The following TOPAZ1 variants were observed in gnomAD, a reference collection of about 807,000 sequenced individuals.
TOPAZ1 encodes testis and ovary specific TOPAZ 1, also known as protein TOPAZ1.
In TOPAZ1, 66 loss-of-function variants were observed where a neutral mutation model predicts 172.2. The ratio of observed to expected loss-of-function variants is 0.38; its 90% CI spans 0.31 to 0.47. The LOEUF is 0.47. Ranked by LOEUF, TOPAZ1 falls within the 20% of genes least tolerant of loss-of-function variation. The pLI, the probability that TOPAZ1 is intolerant of heterozygous loss-of-function variation, is 0.99. For missense variants in TOPAZ1, 1,822 were observed against 1,972.4 expected, an observed-to-expected ratio of 0.92 and a Z score of 1.44; for synonymous variants, 681 against 683.9, an observed-to-expected ratio of 1.00 and a Z score of 0.07.
intron 12 of TOPAZ1, among the ~76,000 whole-genome samples, chr3:44,301,785 G>A (rs944113281): frequency 6.6e-6 from 1 of 151,890 alleles, no homozygotes; most frequent in Non-Finnish European, 1.5e-5. Context: ...AGTATATATT[G>A]CAATTTTTCT....
At chr3:44,289,985 C>G (rs1181990936) in intron 11 of TOPAZ1, among the ~76,000 whole-genome samples, 1 of 152,182 alleles carries the variant, frequency 6.6e-6, no homozygotes. Flanking sequence ...TCTTAACTCT[C>G]TAAATCCTTG....
chr3:44,323,248 C>T lies in TOPAZ1; in HGVS notation c.4628C>T (p.Ser1543Phe). 6.5e-7 allele frequency: 1 copy of T among 1,550,234 alleles called. No homozygotes were observed. Among genetic ancestry groups the T allele is most frequent in the Non-Finnish European group, 8.7e-7 (1 of 1,146,244 alleles). ...DFSFLRRLITSLGRSRLWLKA... is the reference protein window; with the variant it reads ...DFSFLRRLITFLGRSRLWLKA... The stretch of plus-strand genomic sequence containing the variant: ...TCCTTTCTCAGAAGATTAATTACTT[C>T]TTTAGGAAGGAGTCGTTTATGGCTC... Residue 1543 changes from serine to phenylalanine, a missense_variant, in exon 18 of 20, where the codon TCT (serine) becomes TTT (phenylalanine). By Grantham distance (155) the Ser-to-Phe change is radical. This residue lies in a region of TOPAZ1 where 333 missense variants were observed against 481.7 expected (regional missense o/e 0.69). Transcript: ENST00000309765.
rs1225685547 is a variant in TOPAZ1, at chr3:44,242,335, G to A, written c.282G>A (p.Ser94=). The change falls in exon 1 of 20, where the codon TCG becomes TCA. Residue 94 remains serine (S), a synonymous_variant. Transcript: ENST00000309765. ...GRRGPVSPSD[S]SDPRGLEAAK... is the part of the protein sequence containing the mutation. Reference sequence around the variant, plus strand: ...GGGGCCCGGTGAGCCCGTCAGACTCGTCAGACCCGCGAGGCCTAGAAGCAG... The same window carrying A: ...GGGGCCCGGTGAGCCCGTCAGACTCATCAGACCCGCGAGGCCTAGAAGCAG... The A allele has an allele frequency of 2.6e-6, 4 of 1,552,236 alleles. No individual in the cohort carries two copies. The highest frequency in any genetic ancestry group is 4.9e-5 in the East Asian group (2 of 40,922).
Position 44,270,667 on chromosome 3 carries a change from ATCTT to A in TOPAZ1, c.3247-14_3247-11del. On this transcript the variant is annotated splice_polypyrimidine_tract_variant and intron_variant, in intron 7 of 19. Transcript: ENST00000309765. ...GCTTTACAGTTAATACAGAAAGTGA[ATCTT>A]TCTAATTTTCTAGGTGTTCCAGAAG... 2 of 1,527,938 alleles carry A rather than the reference ATCTT, an allele frequency of 1.3e-6. No homozygotes were observed. Among genetic ancestry groups the A allele is most frequent in the Non-Finnish European group, 8.8e-7 (1 of 1,136,336 alleles). 94.6% of individuals were successfully genotyped at this position (1,527,938 alleles called of 1,614,324 possible).
rs542192476 is a variant in TOPAZ1, at chr3:44,306,718, T to A, written c.4140+292T>A. 2.6e-5 allele frequency among the ~76,000 whole-genome samples: 4 copies of A among 152,242 alleles called. No homozygotes were observed. In the East Asian group the frequency reaches 7.7e-4, roughly 29 times the overall value. On this transcript the variant is annotated intron_variant, in intron 15 of 19. Transcript: ENST00000309765. ...AGATTCCCATCTTTAAAAAATAATT[T>A]TTATTATAAAAATAAATAAAATCTC...
chr3:44,310,506 A>G (rs891985918), intron 16 of TOPAZ1, among the ~76,000 whole-genome samples: 7 of 152,154 alleles, frequency 4.6e-5, no homozygotes, highest in African/African-American at 1.4e-4. Context: ...CTCAGAAAAA[A>G]AAAAGCAAAA....
At chr3:44,256,690 T>G (rs1699707500) in intron 4 of TOPAZ1, among the ~76,000 whole-genome samples, 1 of 152,160 alleles carries the variant, frequency 6.6e-6, no homozygotes, top group Non-Finnish European at 1.5e-5. Context: ...TTGTTTTGTT[T>G]GAGGGAAGGG....
At chr3:44,280,558 G>A (rs961141228) in intron 8 of TOPAZ1, among the ~76,000 whole-genome samples, 6 of 152,072 alleles carry the variant, frequency 3.9e-5, no homozygotes, top group Non-Finnish European at 7.4e-5. Flanking sequence ...ATGTTGCCCA[G>A]GCTGGTCTCG....
chr3:44,281,299 A>G (rs1017967197), intron 8 of TOPAZ1, among the ~76,000 whole-genome samples: 1 of 152,244 alleles, frequency 6.6e-6, no homozygotes, highest in Admixed American at 6.5e-5. Context: ...TGGCTGGTCC[A>G]AGGCCAGGTC....
chr3:44,278,122 A>G (rs1699984070), intron 8 of TOPAZ1, among the ~76,000 whole-genome samples: 1 of 152,136 alleles, frequency 6.6e-6, no homozygotes, highest in Non-Finnish European at 1.5e-5. Context: ...CTTTGTCTGC[A>G]TTTATTGAGA....
chr3:44,281,982 G>A lies in TOPAZ1; in HGVS notation c.3387G>A (p.Val1129=). Residue 1129 remains valine (V), a synonymous_variant, in exon 9 of 20, where the codon GTG becomes GTA. Transcript: ENST00000309765. ...GACTTTTGCAGGTTTGCATGGATGTGTTTAAGAAATATATAAATATCAATG... is the reference window on the plus strand; with the variant it reads ...GACTTTTGCAGGTTTGCATGGATGTATTTAAGAAATATATAAATATCAATG... ...EQGDEKVCMD[V]FKKYININEL... 1 of 1,547,016 alleles carries A rather than the reference G, an allele frequency of 6.5e-7. No individual in the cohort carries two copies. Among genetic ancestry groups the A allele is most frequent in the African/African-American group, 1.4e-5 (1 of 73,008 alleles).
At chr3:44,299,172 C>T (rs542251885) in intron 12 of TOPAZ1, among the ~76,000 whole-genome samples, 4 of 151,538 alleles carry the variant, frequency 2.6e-5, no homozygotes, top group East Asian at 2.0e-4. Context: ...TCACCCACCT[C>T]GGCCTCCCAA....
At chr3:44,281,900 T>A in intron 8 of TOPAZ1, 68 bp from the exon 9 acceptor site, 1 of 963,172 alleles carries the variant, frequency 1.0e-6, no homozygotes, top group South Asian at 1.7e-5. Flanking sequence ...AAAGATAGGA[T>A]TGAAATGTGT....
intron 16 of TOPAZ1, 106 bp from the exon 17 acceptor site, chr3:44,320,921 A>C: frequency 1.4e-6 from 1 of 697,906 alleles, no homozygotes; most frequent in Non-Finnish European, 2.3e-6. Context: ...CATATGTTTA[A>C]GTTTTGCCTG....
Position 44,267,125 on chromosome 3 carries a change from C to T in TOPAZ1, c.3149C>T (p.Thr1050Ile). 6.5e-7 allele frequency: 1 copy of T among 1,531,774 alleles called. No homozygotes were observed. Among genetic ancestry groups the T allele is most frequent in the Non-Finnish European group, 8.8e-7 (1 of 1,139,578 alleles). 94.9% of individuals were successfully genotyped at this position (1,531,774 alleles called of 1,614,324 possible). A position where few individuals can be genotyped will look rare whatever the true frequency, so the allele number is the denominator to read the frequency against. The change falls in exon 6 of 20, where the codon ACC (threonine) becomes ATC (isoleucine). Residue 1050 changes from threonine to isoleucine, a missense_variant. By Grantham distance (89) the Thr-to-Ile change is moderately conservative (BLOSUM62 -1). This residue lies in a region of TOPAZ1 where 1,489 missense variants were observed against 1,490.8 expected (regional missense o/e 1.00). Transcript: ENST00000309765. ...SGRQEDTILN[T>I]WMNDFRFLGK... ...CGTCAAGAAGACACAATACTGAATA[C>T]CTGGATGAATGGTACTATTTGTTTT...
downstream of TOPAZ1, among the ~76,000 whole-genome samples, chr3:44,332,296 T>G (rs1231071584): frequency 1.3e-5 from 2 of 152,134 alleles, no homozygotes; most frequent in African/African-American, 2.4e-5. Flanking sequence ...CAGCATTTAG[T>G]AAGAGGGAGA....
intron 9 of TOPAZ1, among the ~76,000 whole-genome samples, chr3:44,283,743 G>A (rs1700048096): frequency 6.6e-6 from 1 of 152,090 alleles, no homozygotes; most frequent in Non-Finnish European, 1.5e-5. Context: ...ACACACGTGT[G>A]CACATATGTG....
Position 44,267,116 on chromosome 3 carries a change from TACTG to T in TOPAZ1, c.3142_3145del (p.Leu1048IlefsTer4). The T allele has an allele frequency of 6.5e-7, 1 of 1,539,382 alleles. No individual in the cohort carries two copies. Among genetic ancestry groups the T allele is most frequent in the Non-Finnish European group, 8.8e-7 (1 of 1,142,458 alleles). ...CTAAGTGGTCGTCAAGAAGACACAA[TACTG>T]AATACCTGGATGAATGGTACTATTT... is the stretch of plus-strand genomic sequence containing the variant. On this transcript the variant is annotated frameshift_variant, in exon 6 of 20. Transcript: ENST00000309765. LOFTEE classifies it high-confidence loss of function.
intron 18 of TOPAZ1, among the ~76,000 whole-genome samples, chr3:44,325,236 A>G (rs1700586143): frequency 6.6e-6 from 1 of 152,202 alleles, no homozygotes; most frequent in East Asian, 1.9e-4. Flanking sequence ...GTCTAGTAGT[A>G]CTTTATTTGG....
Sources: gnomAD v4.1 joint callset for allele counts (sites outside exome capture counted in the v4.1 genomes callset) on GRCh38, gnomAD v4.1.1 for gene constraint, gnomAD v4.1.1 regional missense constraint, MANE v1.5 for transcripts, NCBI Gene and HGNC (gene_info 2026-07-23, HGNC 2026-07-21) for gene names.